NAPB: variants seen among roughly 807,000 people sequenced by gnomAD.
NAPB encodes beta-soluble NSF attachment protein.
A neutral mutation model predicts 44.7 loss-of-function variants in NAPB; 26 were observed. The observed-to-expected ratio is 0.58, with a 90% CI of 0.43 to 0.81. NAPB has a LOEUF of 0.81. Ranked by LOEUF, NAPB falls within the 30% of genes least tolerant of loss-of-function variation. The probability of loss-of-function intolerance (pLI) is 0.00; values close to 1 mark genes in which losing one functional copy is unlikely to be tolerated. For missense variants in NAPB, 315 were observed against 356.4 expected (o/e 0.88, Z 0.94); for synonymous variants, 120 against 116.8 (o/e 1.03, Z -0.18).
rs1194166657 is a variant in NAPB at position 23,397,136 on chromosome 20, G to C, written c.231C>G (p.Ser77Arg). Reference protein sequence around the residue: ...QAAKLHMQLQSKHDSATSFVD... With the variant: ...QAAKLHMQLQRKHDSATSFVD... ...CAAAGCTGGTAGCAGAGTCATGTTT[G>C]CTCTGAAGCTGCATGTGGAGCTTGG... Residue 77 changes from serine (S) to arginine (R), a missense_variant, in exon 3 of 11, where the codon AGC becomes AGG. Physicochemically the swap from Ser to Arg is moderately radical, Grantham distance 110. Transcript: ENST00000377026. 2 of 1,613,528 alleles carry C rather than the reference G, an allele frequency of 1.2e-6. No individual in the cohort carries two copies. Among genetic ancestry groups the C allele is most frequent in the Non-Finnish European group, 1.7e-6 (2 of 1,179,624 alleles).
chr20:23,382,846 G>C (rs1983130520), intron 7 of NAPB, among the ~76,000 whole-genome samples: 1 of 152,126 alleles, frequency 6.6e-6, no homozygotes, highest in African/African-American at 2.4e-5. Flanking sequence ...CTGTGTTCTA[G>C]AAGGGGAGGA....
At chr20:23,380,038 T>C (rs1207996971) in intron 8 of NAPB, 103 bp from the exon 9 acceptor site, 7 of 824,626 alleles carry the variant, frequency 8.5e-6, no homozygotes, top group Non-Finnish European at 1.3e-5. Flanking sequence ...CTATTAAGTG[T>C]TGAAAAAGTA....
chr20:23,401,358 C>T (rs1179140244), intron 2 of NAPB, among the ~76,000 whole-genome samples: 1 of 152,156 alleles, frequency 6.6e-6, no homozygotes, highest in Non-Finnish European at 1.5e-5. Context: ...TCAAGGTCAT[C>T]GCCAAGGTCT....
chr20:23,397,247 C>T, intron 2 of NAPB, 59 bp from the exon 3 acceptor site: 1 of 1,543,430 alleles, frequency 6.5e-7, no homozygotes, highest in Non-Finnish European at 8.8e-7. Flanking sequence ...GCAGCCCATG[C>T]TGTAAGCACT....
rs1439041099 is a variant in NAPB at position 23,376,164 on chromosome 20, C to CGAAT, written c.*1211_*1212insATTC. 78 of 152,186 alleles carry CGAAT rather than the reference C, an allele frequency of 5.1e-4. No homozygotes were observed. Among genetic ancestry groups the CGAAT allele is most frequent in the African/African-American group, 1.8e-3 (76 of 41,490 alleles). The allele number at this position is 152,186 out of a possible 1,614,324, so 9.4% of individuals were successfully genotyped here. A position where few individuals can be genotyped will look rare whatever the true frequency, so the allele number is the denominator to read the frequency against. On this transcript the variant is annotated 3_prime_UTR_variant, in exon 11 of 11. Transcript: ENST00000377026. ...TATAAATCATTTAACTATAAATATT[C>CGAAT]AGAGGACATTCAGGAGACAAGCGTA...
chr20:23,411,779 T>C (rs1294291487), intron 1 of NAPB, among the ~76,000 whole-genome samples: 1 of 152,068 alleles, frequency 6.6e-6, no homozygotes, highest in Non-Finnish European at 1.5e-5. Context: ...AAAACATTTA[T>C]AGCATAAAGG....
intron 1 of NAPB, among the ~76,000 whole-genome samples, chr20:23,408,703 C>T (rs184421369): frequency 6.6e-6 from 1 of 152,212 alleles, no homozygotes; most frequent in Non-Finnish European, 1.5e-5. Context: ...GAGATTTCTT[C>T]CGTGGAGGAG....
At chr20:23,398,003 C>T (rs1295393128) in intron 2 of NAPB, among the ~76,000 whole-genome samples, 1 of 152,150 alleles carries the variant, frequency 6.6e-6, no homozygotes, top group African/African-American at 2.4e-5. Flanking sequence ...CACAGGAACA[C>T]AGAAGAAATG....
At chr20:23,379,579 G>T in intron 9 of NAPB, 84 bp from the exon 10 acceptor site, 1 of 1,072,556 alleles carries the variant, frequency 9.3e-7, no homozygotes, top group Non-Finnish European at 1.4e-6. Flanking sequence ...TAATACCAAT[G>T]TTGCCAAATA....
At chr20:23,414,599 A>G (rs1985877822) in intron 1 of NAPB, among the ~76,000 whole-genome samples, 1 of 152,228 alleles carries the variant, frequency 6.6e-6, no homozygotes, top group Admixed American at 6.5e-5. Flanking sequence ...AATTCAAGGA[A>G]GTATTGACTT....
intron 5 of NAPB, among the ~76,000 whole-genome samples, chr20:23,391,254 T>A (rs1983935999): frequency 6.6e-6 from 1 of 152,118 alleles, no homozygotes; most frequent in Non-Finnish European, 1.5e-5. Flanking sequence ...GAGGTTGCAG[T>A]GAGCTGAGAT....
chr20:23,412,607 C>T lies in NAPB; in HGVS notation c.98+8698G>A, dbSNP rs192444060. On this transcript the variant is annotated intron_variant, in intron 1 of 10. Transcript: ENST00000377026. ...AGAAAGCAGATATTAATATGCCCCC[C>T]AAAACAGATCAAGTGAACAGAAAAT... Among the ~76,000 whole-genome samples the T allele has an allele frequency of 8.5e-3, 1,298 of 152,108 alleles. 12 individuals carry two copies. The highest frequency in any genetic ancestry group is 0.011 in the Non-Finnish European group (745 of 68,000).
At chr20:23,394,885 C>T (rs1455995461) in intron 5 of NAPB, 37 bp downstream of exon 5, 2 of 1,591,658 alleles carry the variant, frequency 1.3e-6, no homozygotes, top group South Asian at 2.2e-5. Context: ...AGCTTATCTG[C>T]CTGCTTCACA....
rs1368995896 is a variant in NAPB, at chr20:23,375,206, C to T, written c.*2170G>A. ...AAAAACAAAAATTAATTCTTAACCC[C>T]GGAACTGGTCCCAGTGTTTATTGCA... is the stretch of plus-strand genomic sequence containing the variant. On this transcript the variant is annotated 3_prime_UTR_variant, in exon 11 of 11. Coordinates refer to ENST00000377026, the MANE Select transcript of NAPB (RefSeq NM_022080.3). The T allele has an allele frequency of 6.6e-6, 1 of 151,976 alleles. No individual in the cohort carries two copies. The highest frequency in any genetic ancestry group is 1.5e-5 in the Non-Finnish European group (1 of 68,024). The allele number at this position is 151,976 out of a possible 1,614,324, so 9.4% of individuals were successfully genotyped here.
chr20:23,404,877 C>T (rs916815010), intron 1 of NAPB, among the ~76,000 whole-genome samples: 3 of 152,132 alleles, frequency 2.0e-5, no homozygotes, highest in Non-Finnish European at 2.9e-5. Context: ...TCAGGGAAGA[C>T]GTGGAGAAAC....
At chr20:23,420,963 G>A (rs1172695853) in intron 1 of NAPB, among the ~76,000 whole-genome samples, 1 of 150,284 alleles carries the variant, frequency 6.7e-6, no homozygotes, top group African/African-American at 2.4e-5. Flanking sequence ...AGCGTGTGGG[G>A]GCTGAGGAAC....
intron 7 of NAPB, among the ~76,000 whole-genome samples, chr20:23,387,242 T>C (rs1983597051): frequency 6.6e-6 from 1 of 152,108 alleles, no homozygotes; most frequent in South Asian, 2.1e-4. Flanking sequence ...CTCAAACTGA[T>C]AAAAGCATTT....
At chr20:23,382,970 C>A (rs998946649) in intron 7 of NAPB, among the ~76,000 whole-genome samples, 3 of 151,970 alleles carry the variant, frequency 2.0e-5, no homozygotes, top group Non-Finnish European at 4.4e-5. Flanking sequence ...GCCTGGTCAA[C>A]ATGGCGAAAC....
At chr20:23,417,522 C>T (rs1486014129) in intron 1 of NAPB, among the ~76,000 whole-genome samples, 3 of 152,076 alleles carry the variant, frequency 2.0e-5, no homozygotes, top group Non-Finnish European at 4.4e-5. Context: ...CAGACTCAGG[C>T]CGATTTAAAA....
Sources: allele counts gnomAD v4.1 joint callset (sites outside exome capture counted in the v4.1 genomes callset), GRCh38; gene constraint gnomAD v4.1.1; transcripts MANE v1.5; gene names NCBI Gene and HGNC (gene_info 2026-07-23, HGNC 2026-07-21).